Variants in COL5A2 observed in about 807,000 individuals in gnomAD.
COL5A2 encodes collagen type V alpha 2 chain, also known as collagen alpha-2(V) chain.
Under a neutral mutation model 208.2 loss-of-function variants are expected in COL5A2, and 23 were observed. The observed-to-expected ratio is 0.11, with a 90% CI of 0.08 to 0.16. The LOEUF (loss-of-function observed/expected upper bound fraction) is 0.16. Ranked by LOEUF, COL5A2 falls within the 10% of genes least tolerant of loss-of-function variation. COL5A2 has a pLI of 1.00. For synonymous variants in COL5A2, 625 were observed against 628.5 expected, an observed-to-expected ratio of 0.99 and a Z score of 0.08; for missense variants, 1,590 against 1,956.4, an observed-to-expected ratio of 0.81 and a Z score of 3.53.
chr2:189,278,443 T>C, the COL5A2 span, among the ~76,000 whole-genome samples: 1 of 152,118 alleles, frequency 6.6e-6, no homozygotes, highest in Non-Finnish European at 1.5e-5. Flanking sequence ...GTATTGTATA[T>C]CAGCAATCTG....
At chr2:189,330,014 A>C in the COL5A2 span, among the ~76,000 whole-genome samples, 1 of 152,164 alleles carries the variant, frequency 6.6e-6, no homozygotes, top group East Asian at 1.9e-4. Flanking sequence ...ATAAGGAAAA[A>C]CTGCTGAAGT....
the COL5A2 span, among the ~76,000 whole-genome samples, chr2:189,425,989 C>T: frequency 2.0e-5 from 3 of 152,166 alleles, no homozygotes; most frequent in Non-Finnish European, 2.9e-5. Context: ...ATCACCCAGT[C>T]TCAGATATTT....
intron 2 of COL5A2, among the ~76,000 whole-genome samples, chr2:189,106,665 G>C (rs891265913): frequency 2.6e-5 from 4 of 150,988 alleles, no homozygotes; most frequent in African/African-American, 9.7e-5. Context: ...TGGATACTCA[G>C]TCTATCTTTG....
chr2:189,318,663 G>T, the COL5A2 span, among the ~76,000 whole-genome samples: 1 of 152,108 alleles, frequency 6.6e-6, no homozygotes, highest in African/African-American at 2.4e-5. Flanking sequence ...ACACTTTGAA[G>T]CACTTAAAAA....
intron 1 of COL5A2, among the ~76,000 whole-genome samples, chr2:189,155,754 AT>A (rs935066746): frequency 2.6e-5 from 4 of 152,066 alleles, no homozygotes; most frequent in Admixed American, 2.6e-4. Context: ...AAACCTCGTG[AT>A]TTAAAACACC....
chr2:189,041,181 T>C (rs917487146), intron 50 of COL5A2, among the ~76,000 whole-genome samples: 17 of 152,210 alleles, frequency 1.1e-4, no homozygotes, highest in African/African-American at 3.1e-4. Flanking sequence ...CCTCCCTGAA[T>C]GTTTTCAATG....
At chr2:189,326,791 C>G in the COL5A2 span, among the ~76,000 whole-genome samples, 1 of 151,632 alleles carries the variant, frequency 6.6e-6, no homozygotes, top group African/African-American at 2.4e-5. Context: ...CAAAATGAGG[C>G]CAGGCGCGGT....
chr2:189,067,641 T>C (rs1487504361), intron 21 of COL5A2, among the ~76,000 whole-genome samples: 1 of 152,198 alleles, frequency 6.6e-6, no homozygotes, highest in Non-Finnish European at 1.5e-5. Context: ...GAAATAGTTG[T>C]TGAACCCTAG....
chr2:189,186,714 A>T (rs1411850587), intron 1 of COL5A2, among the ~76,000 whole-genome samples: 2 of 152,200 alleles, frequency 1.3e-5, no homozygotes, highest in Non-Finnish European at 2.9e-5. Context: ...AAATTACAAT[A>T]TTGGGAGACT....
chr2:189,427,734 T>C, the COL5A2 span, among the ~76,000 whole-genome samples: 1 of 152,258 alleles, frequency 6.6e-6, no homozygotes. Context: ...ATACATTATT[T>C]TGGAGCTTTA....
At chr2:189,420,428 A>G in the COL5A2 span, among the ~76,000 whole-genome samples, 1 of 152,308 alleles carries the variant, frequency 6.6e-6, no homozygotes, top group Non-Finnish European at 1.5e-5. Context: ...AGGCATGAAA[A>G]TAATACTGTA....
intron 33 of COL5A2, among the ~76,000 whole-genome samples, chr2:189,057,834 T>C (rs1685934694): frequency 6.6e-6 from 1 of 152,170 alleles, no homozygotes; most frequent in Non-Finnish European, 1.5e-5. Context: ...GTGTCTAAAT[T>C]GTAGTAGACT....
chr2:189,084,007 C>T lies in COL5A2; in HGVS notation c.829G>A (p.Glu277Lys), dbSNP rs1228647587. The change falls in exon 12 of 54, where the codon GAA becomes AAA. Residue 277 changes from glutamate (E) to lysine (K), a missense_variant. Glu to Lys is a moderately conservative substitution (Grantham distance 56). Transcript: ENST00000374866. ...ACCGGAGATCCTGCAAATCCCACTTCACCAGGATTTCCATTTCTGCCAGGT... is the reference window on the plus strand; with the variant it reads ...ACCGGAGATCCTGCAAATCCCACTTTACCAGGATTTCCATTTCTGCCAGGT... ...GEPGRNGNPG[E>K]VGFAGSPGAR... 1 of 1,613,480 alleles carries T rather than the reference C, an allele frequency of 6.2e-7. No individual in the cohort carries two copies. The highest frequency in any genetic ancestry group is 8.5e-7 in the Non-Finnish European group (1 of 1,179,486).
chr2:189,227,579 G>A (rs375710069), upstream of COL5A2, among the ~76,000 whole-genome samples: 23 of 152,122 alleles, frequency 1.5e-4, no homozygotes, highest in East Asian at 2.3e-3. Context: ...TACTTATACA[G>A]ACAAAATAGA....
At chr2:189,321,553 T>C in the COL5A2 span, among the ~76,000 whole-genome samples, 1 of 151,712 alleles carries the variant, frequency 6.6e-6, no homozygotes, top group Admixed American at 6.6e-5. Flanking sequence ...CCAACAAAGA[T>C]CAAAAGAGAC....
At chr2:189,069,630 C>T (rs1686226886) in intron 18 of COL5A2, among the ~76,000 whole-genome samples, 1 of 152,158 alleles carries the variant, frequency 6.6e-6, no homozygotes, top group South Asian at 2.1e-4. Flanking sequence ...ATTTATAAAA[C>T]AACCTAATAT....
chr2:189,247,278 C>T, the COL5A2 span, among the ~76,000 whole-genome samples: 1 of 152,078 alleles, frequency 6.6e-6, no homozygotes, highest in African/African-American at 2.4e-5. Flanking sequence ...AGTAAAGGTG[C>T]AGGGATACAG....
the COL5A2 span, among the ~76,000 whole-genome samples, chr2:189,398,926 T>A: frequency 6.6e-6 from 1 of 152,192 alleles, no homozygotes; most frequent in Non-Finnish European, 1.5e-5. Flanking sequence ...TTAATTTTTT[T>A]AAGTCTAATA....
At chr2:189,072,662 C>G (rs1016380108) in intron 17 of COL5A2, among the ~76,000 whole-genome samples, 3 of 148,192 alleles carry the variant, frequency 2.0e-5, no homozygotes, top group Non-Finnish European at 3.0e-5. Flanking sequence ...ATCCCAGCTA[C>G]TTGGGAGGCT....
Sources: gnomAD v4.1 joint callset for allele counts (sites outside exome capture counted in the v4.1 genomes callset) on GRCh38, gnomAD v4.1.1 for gene constraint, MANE v1.5 for transcripts, NCBI Gene and HGNC (gene_info 2026-07-23, HGNC 2026-07-21) for gene names.